XKR4: variants seen among roughly 807,000 people sequenced by gnomAD.
The protein encoded by XKR4 is XK-related protein 4.
XKR4 carries 12 observed loss-of-function variants against 53.9 expected under a neutral mutation model. The ratio of observed to expected loss-of-function variants is 0.22; its 90% CI spans 0.14 to 0.36. The LOEUF is 0.36. Ranked by LOEUF, XKR4 falls within the 10% of genes least tolerant of loss-of-function variation. The pLI is 1.00. For missense variants in XKR4, 799 were observed against 859.5 expected (o/e 0.93, Z 0.88); for synonymous variants, 354 against 362.4 (o/e 0.98, Z 0.26).
intron 1 of XKR4, among the ~76,000 whole-genome samples, chr8:55,110,266 A>G (rs1163344449): frequency 6.6e-6 from 1 of 152,324 alleles, no homozygotes; most frequent in South Asian, 2.1e-4. Context: ...ATGGCATTGC[A>G]TGATTCTGAC....
intron 1 of XKR4, among the ~76,000 whole-genome samples, chr8:55,322,505 T>C (rs1199879681): frequency 6.6e-6 from 1 of 152,236 alleles, no homozygotes; most frequent in African/African-American, 2.4e-5. Flanking sequence ...TGCTTGAAAT[T>C]GTGAAACCAT....
At chr8:55,498,004 G>A (rs939129271) in intron 2 of XKR4, among the ~76,000 whole-genome samples, 5 of 152,324 alleles carry the variant, frequency 3.3e-5, no homozygotes, top group Admixed American at 2.6e-4. Context: ...GGCTGGCCCC[G>A]AGGATTAGGG....
chr8:55,283,957 C>T (rs1328691245), intron 1 of XKR4, among the ~76,000 whole-genome samples: 1 of 151,988 alleles, frequency 6.6e-6, no homozygotes, highest in East Asian at 1.9e-4. Flanking sequence ...TGACGTGATC[C>T]CTCCTTCCTT....
chr8:55,340,322 T>A (rs759797824), intron 1 of XKR4, among the ~76,000 whole-genome samples: 2 of 152,252 alleles, frequency 1.3e-5, no homozygotes, highest in Non-Finnish European at 2.9e-5. Flanking sequence ...ATTGTGCATA[T>A]GTGCATGTGT....
intron 2 of XKR4, chr8:55,449,364 G>T: frequency 1.7e-6 from 1 of 599,940 alleles, no homozygotes; most frequent in Non-Finnish European, 3.0e-6. Context: ...GCAGGGACTA[G>T]GGCTGTACAC....
Position 55,451,730 on chromosome 8 carries a change from G to T in XKR4, c.1007-71551G>T, listed in dbSNP as rs1343947375. 6.0e-5 allele frequency: 74 copies of T among 1,240,988 alleles called. No individual in the cohort carries two copies. The East Asian group carries it at 1.7e-3, about 29-fold the overall frequency. 76.9% of individuals were successfully genotyped at this position (1,240,988 alleles called of 1,614,324 possible). A position where few individuals can be genotyped will look rare whatever the true frequency, so the allele number is the denominator to read the frequency against. On this transcript the variant is annotated intron_variant, in intron 2 of 2. Transcript: ENST00000327381. ...TGCATGCGGTTGACCAGAGAAATGC[G>T]GAAGGATTCAGACTTGGCCCGGCTC...
intron 2 of XKR4, among the ~76,000 whole-genome samples, chr8:55,493,699 C>T (rs1209164198): frequency 6.6e-6 from 1 of 152,204 alleles, no homozygotes; most frequent in East Asian, 1.9e-4. Context: ...ATTTAATAAG[C>T]AGTGGCATGA....
chr8:55,249,708 A>G (rs1818339207), intron 1 of XKR4, among the ~76,000 whole-genome samples: 1 of 152,222 alleles, frequency 6.6e-6, no homozygotes, highest in South Asian at 2.1e-4. Context: ...GGTCAATTAG[A>G]AAGATTTTGT....
At chr8:55,435,468 A>G (rs958553545) in intron 2 of XKR4, among the ~76,000 whole-genome samples, 3 of 152,052 alleles carry the variant, frequency 2.0e-5, no homozygotes, top group African/African-American at 7.2e-5. Context: ...TAGGAAAGGA[A>G]CTTCAAGGCC....
At chr8:55,198,367 G>C (rs905091617) in intron 1 of XKR4, among the ~76,000 whole-genome samples, 1 of 152,076 alleles carries the variant, frequency 6.6e-6, no homozygotes, top group Non-Finnish European at 1.5e-5. Context: ...ATATGGTATG[G>C]ATGATCAAAA....
chr8:55,451,711 C>A (rs1563353870), intron 2 of XKR4: 1 of 1,308,544 alleles, frequency 7.6e-7, no homozygotes. Flanking sequence ...GGCATGCATG[C>A]GGTTGACCAG....
In XKR4 at chr8:55,102,186, G is replaced by A. The variant is rs1166093650; in HGVS notation, c.-303G>A. 6.8e-6 allele frequency among the ~76,000 whole-genome samples: 1 copy of A among 147,068 alleles called. No individual in the cohort carries two copies. The highest frequency in any genetic ancestry group is 1.5e-5 in the Non-Finnish European group (1 of 66,066). On this transcript the variant is annotated 5_prime_UTR_variant, in exon 1 of 3. Coordinates refer to ENST00000327381, the MANE Select transcript of XKR4 (RefSeq NM_052898.2). This position sits in a 1 kb window ranked among gnomAD's most constrained non-coding sequence, Gnocchi z 5.1. Reference sequence around the variant, plus strand: ...CGGCTCGGGCGGCAGCAGCGAAGCCGGGACGGCGAGGAGCGCGGGCGGCGG... The same window carrying A: ...CGGCTCGGGCGGCAGCAGCGAAGCCAGGACGGCGAGGAGCGCGGGCGGCGG...
chr8:55,254,803 G>A (rs775652343), intron 1 of XKR4, among the ~76,000 whole-genome samples: 17 of 152,182 alleles, frequency 1.1e-4, no homozygotes, highest in South Asian at 2.1e-4. Flanking sequence ...CCACAGGTTC[G>A]AACTGACTTA....
chr8:55,324,132 G>A (rs1282469837), intron 1 of XKR4, among the ~76,000 whole-genome samples: 4 of 152,130 alleles, frequency 2.6e-5, no homozygotes, highest in Admixed American at 2.0e-4. Context: ...GTCTTGCTCT[G>A]TCACCCAGGC....
At chr8:55,129,175 G>T (rs1388966627) in intron 1 of XKR4, among the ~76,000 whole-genome samples, 4 of 152,328 alleles carry the variant, frequency 2.6e-5, no homozygotes, top group Admixed American at 1.3e-4. Flanking sequence ...AGAACCCAAA[G>T]ATTTCAGGTT....
chr8:55,244,047 TTGAG>T (rs926992678), intron 1 of XKR4, among the ~76,000 whole-genome samples: 17 of 152,246 alleles, frequency 1.1e-4, no homozygotes, highest in Non-Finnish European at 2.1e-4. Context: ...TTTTTCTTCT[TTGAG>T]TATTTTATAG....
intron 1 of XKR4, among the ~76,000 whole-genome samples, chr8:55,127,317 A>G (rs2129352624): frequency 6.7e-6 from 1 of 149,644 alleles, no homozygotes; most frequent in South Asian, 2.1e-4. Flanking sequence ...CAGTGGCATG[A>G]TCTCGGCTCA....
chr8:55,267,424 G>A (rs1162690375), intron 1 of XKR4, among the ~76,000 whole-genome samples: 1 of 152,192 alleles, frequency 6.6e-6, no homozygotes, highest in African/African-American at 2.4e-5. Flanking sequence ...CACAGGCGAG[G>A]AAGTGAGACC....
At chr8:55,192,657 T>C (rs750120866) in intron 1 of XKR4, among the ~76,000 whole-genome samples, 5 of 152,276 alleles carry the variant, frequency 3.3e-5, no homozygotes, top group Admixed American at 6.5e-5. Context: ...GCTGGGACTG[T>C]ATGGGTACAT....
Sources: gnomAD v4.1 joint callset for allele counts (sites outside exome capture counted in the v4.1 genomes callset) on GRCh38, gnomAD v4.1.1 for gene constraint, Gnocchi (gnomAD v3.1) non-coding constraint, MANE v1.5 for transcripts, NCBI Gene and HGNC (gene_info 2026-07-23, HGNC 2026-07-21) for gene names.